Variants in CACNG5 observed in about 807,000 individuals in gnomAD.
CACNG5 encodes the protein calcium voltage-gated channel auxiliary subunit gamma 5, also known as voltage-dependent calcium channel gamma-5 subunit.
CACNG5 carries 18 observed loss-of-function variants against 24.8 expected under a neutral mutation model. The observed-to-expected ratio is 0.73, with a 90% CI of 0.50 to 1.08. CACNG5 has a LOEUF of 1.08. Among genes scored for constraint, CACNG5 ranks in the 50% least tolerant of loss-of-function variants. The probability of loss-of-function intolerance (pLI) is 0.00; values close to 1 mark genes in which losing one functional copy is unlikely to be tolerated. For synonymous variants in CACNG5, 157 were observed against 149.1 expected (o/e 1.05, Z -0.39); for missense variants, 349 against 367.9 (o/e 0.95, Z 0.42).
In CACNG5 at chr17:66,872,586, A is replaced by G. The variant is rs1172743505; in HGVS notation, c.-103-4644A>G. On this transcript the variant is annotated intron_variant, in intron 1 of 5. Coordinates refer to ENST00000533854, the MANE Select transcript of CACNG5 (RefSeq NM_145811.3). Reference sequence around the variant, plus strand: ...TGTTATATAATTTTCTGCGCAATACAGAAGGAAAAAGCACTGGGTCAGGAT... The same window carrying G: ...TGTTATATAATTTTCTGCGCAATACGGAAGGAAAAAGCACTGGGTCAGGAT... Among the ~76,000 whole-genome samples, 4 of 152,254 alleles carry G rather than the reference A, an allele frequency of 2.6e-5. No homozygotes were observed. The East Asian group carries it at 7.7e-4, about 29-fold the overall frequency.
intron 1 of CACNG5, among the ~76,000 whole-genome samples, chr17:66,845,468 A>AC (rs11370691): frequency 6.6e-6 from 1 of 151,556 alleles, no homozygotes; most frequent in Non-Finnish European, 1.5e-5. Context: ...ATTTAAAAAA[A>AC]AAAAACAAAA....
chr17:66,879,938 T>C (rs2143118989), intron 3 of CACNG5, among the ~76,000 whole-genome samples: 1 of 152,286 alleles, frequency 6.6e-6, no homozygotes, highest in East Asian at 1.9e-4. Flanking sequence ...TTGGTGTTTC[T>C]AGCCCCCATC....
chr17:66,846,293 TCAGTGG>T, intron 1 of CACNG5, among the ~76,000 whole-genome samples: 1 of 152,326 alleles, frequency 6.6e-6, no homozygotes, highest in African/African-American at 2.4e-5. Flanking sequence ...AGTGTGTGAT[TCAGTGG>T]CATTTGATAC....
chr17:66,877,996 A>G (rs758495057), intron 2 of CACNG5, among the ~76,000 whole-genome samples: 1 of 152,230 alleles, frequency 6.6e-6, no homozygotes, highest in Non-Finnish European at 1.5e-5. Flanking sequence ...CCACTAGTTT[A>G]TAGATTAGAA....
In CACNG5 at chr17:66,894,568, G is replaced by T. The variant is rs1036511148; in HGVS notation, c.*9328G>T. Among the ~76,000 whole-genome samples, 8 of 151,946 alleles carry T rather than the reference G, an allele frequency of 5.3e-5. No homozygotes were observed. The highest frequency in any genetic ancestry group is 1.0e-4 in the Non-Finnish European group (7 of 67,992). On this transcript the variant is annotated 3_prime_UTR_variant, in exon 6 of 6. Coordinates refer to ENST00000533854, the MANE Select transcript of CACNG5 (RefSeq NM_145811.3). ...CAGTTCATGATGTGCAGCCATTATT[G>T]GTTCACATAAGGCCTGGCTCTTGAT...
In CACNG5 at chr17:66,894,324, A is replaced by G. The variant is rs1359276015; in HGVS notation, c.*9084A>G. On this transcript the variant is annotated 3_prime_UTR_variant, in exon 6 of 6. Coordinates refer to ENST00000533854, the MANE Select transcript of CACNG5 (RefSeq NM_145811.3). ...CTCAATGGTGGGCTTTTTTGCCTGG[A>G]TTGGGGGAAGAAAAAGTGATGGGGA... 6.6e-6 allele frequency among the ~76,000 whole-genome samples: 1 copy of G among 152,062 alleles called. No individual in the cohort carries two copies. The highest frequency in any genetic ancestry group is 1.5e-5 in the Non-Finnish European group (1 of 67,998).
At chr17:66,872,449 A>G (rs1295230329) in intron 1 of CACNG5, among the ~76,000 whole-genome samples, 1 of 152,214 alleles carries the variant, frequency 6.6e-6, no homozygotes, top group Non-Finnish European at 1.5e-5. Context: ...GTGAGAGAAT[A>G]TGTACACACA....
At chr17:66,841,295 C>T (rs1329111318) in intron 1 of CACNG5, among the ~76,000 whole-genome samples, 2 of 152,158 alleles carry the variant, frequency 1.3e-5, no homozygotes, top group Non-Finnish European at 2.9e-5. Flanking sequence ...AAGAGGCAAT[C>T]AGATATGCAT....
chr17:66,861,667 GT>G (rs1186284310), intron 1 of CACNG5, among the ~76,000 whole-genome samples: 1 of 152,124 alleles, frequency 6.6e-6, no homozygotes, highest in African/African-American at 2.4e-5. Context: ...TCTGAACATT[GT>G]TTCTGTCTAC....
rs2143134591 is a variant in CACNG5, at chr17:66,885,406, A to C, written c.*166A>C. Reference sequence around the variant, plus strand: ...TCCCTGCTTCTCCAGAAGGGCTCTAACTGCCCCAGCATGGGTGTGGGAGTC... The same window carrying C: ...TCCCTGCTTCTCCAGAAGGGCTCTACCTGCCCCAGCATGGGTGTGGGAGTC... On this transcript the variant is annotated 3_prime_UTR_variant, in exon 6 of 6. Coordinates refer to ENST00000533854, the MANE Select transcript of CACNG5 (RefSeq NM_145811.3). 1.3e-6 allele frequency: 1 copy of C among 795,746 alleles called. No homozygotes were observed. Among genetic ancestry groups the C allele is most frequent in the East Asian group, 2.7e-5 (1 of 37,040 alleles). The allele number at this position is 795,746 out of a possible 1,614,324, so 49.3% of individuals were successfully genotyped here.
chr17:66,839,763 T>C (rs896061243), intron 1 of CACNG5, among the ~76,000 whole-genome samples: 1 of 151,806 alleles, frequency 6.6e-6, no homozygotes, highest in East Asian at 1.9e-4. Flanking sequence ...GCTTTCTCTG[T>C]GAGTAGAAAG....
rs977686672 is a variant in CACNG5 at position 66,891,426 on chromosome 17, G to A, written c.*6186G>A. ...ACTCAGGATCTCCCAGGCAGTTGGA[G>A]TCAGACAGTGGCTGTCATTTCAAAG... is the stretch of plus-strand genomic sequence containing the variant. On this transcript the variant is annotated 3_prime_UTR_variant, in exon 6 of 6. Transcript: ENST00000533854. 4.6e-5 allele frequency among the ~76,000 whole-genome samples: 7 copies of A among 152,340 alleles called. No individual in the cohort carries two copies. In the South Asian group the frequency reaches 1.2e-3, roughly 27 times the overall value.
intron 1 of CACNG5, among the ~76,000 whole-genome samples, chr17:66,867,056 A>G (rs1311787569): frequency 6.6e-6 from 1 of 152,180 alleles, no homozygotes; most frequent in Admixed American, 6.5e-5. Flanking sequence ...CTGTCTTCCA[A>G]AATGGTTGAA....
At chr17:66,844,560 C>A (rs749165159) in intron 1 of CACNG5, among the ~76,000 whole-genome samples, 3 of 152,314 alleles carry the variant, frequency 2.0e-5, no homozygotes, top group Admixed American at 2.0e-4. Flanking sequence ...TCATCATATC[C>A]TCTCCATATT....
At chr17:66,869,944 G>T (rs894750639) in intron 1 of CACNG5, among the ~76,000 whole-genome samples, 1 of 151,984 alleles carries the variant, frequency 6.6e-6, no homozygotes, top group African/African-American at 2.4e-5. Context: ...TTAGCGGGGC[G>T]TGGTGGCAGG....
intron 1 of CACNG5, among the ~76,000 whole-genome samples, chr17:66,837,566 AC>A (rs758318453): frequency 6.6e-5 from 10 of 152,186 alleles, no homozygotes; most frequent in Non-Finnish European, 1.0e-4. Context: ...CACCAGGACA[AC>A]CCCTGCCCAC....
Position 66,877,408 on chromosome 17 carries a change from A to G in CACNG5, c.76A>G (p.Ile26Val). ...TGTCTGTGGCTTGGGCCTCCTGGGT[A>G]TCGCGGTCAGCACCGACTACTGGCT... is the stretch of plus-strand genomic sequence containing the variant. ...FAVCGLGLLG[I>V]AVSTDYWLYL... The change falls in exon 2 of 6, where the codon ATC becomes GTC. Residue 26 changes from isoleucine to valine, a missense_variant. Ile to Val is a conservative substitution (Grantham distance 29, BLOSUM62 3). Transcript: ENST00000533854. 6.2e-7 allele frequency: 1 copy of G among 1,614,054 alleles called. No homozygotes were observed.
At chr17:66,876,513 G>T (rs1977079213) in intron 1 of CACNG5, among the ~76,000 whole-genome samples, 1 of 152,196 alleles carries the variant, frequency 6.6e-6, no homozygotes, top group Admixed American at 6.5e-5. Flanking sequence ...CTCGTTCATT[G>T]CTGGCCCCTG....
At chr17:66,864,801 G>A (rs1976908424) in intron 1 of CACNG5, among the ~76,000 whole-genome samples, 2 of 152,184 alleles carry the variant, frequency 1.3e-5, no homozygotes, top group South Asian at 4.1e-4. Flanking sequence ...CCAGAACCAT[G>A]TGTCATCTTC....
Sources: allele counts gnomAD v4.1 joint callset (sites outside exome capture counted in the v4.1 genomes callset), GRCh38; gene constraint gnomAD v4.1.1; transcripts MANE v1.5; gene names NCBI Gene and HGNC (gene_info 2026-07-23, HGNC 2026-07-21).